Variants in BRD10 observed in about 807,000 individuals in gnomAD.
BRD10 encodes uncharacterized bromodomain-containing protein 10.
chr9:5,982,861 C>CACCT, the BRD10 span, among the ~76,000 whole-genome samples: 1 of 152,120 alleles, frequency 6.6e-6, no homozygotes, highest in East Asian at 1.9e-4. Context: ...GAGGATGAAG[C>CACCT]ACCTGGAAGT....
At chr9:5,929,023 A>C in the BRD10 span, 1 of 1,282,716 alleles carries the variant, frequency 7.8e-7, no homozygotes, top group Admixed American at 1.9e-5. Context: ...TAAGTAAAAC[A>C]GATTATAACA....
the BRD10 span, chr9:5,919,982 GAA>G: frequency 1.9e-6 from 3 of 1,613,860 alleles, no homozygotes; most frequent in Non-Finnish European, 1.7e-6. Flanking sequence ...CTTAATTACT[GAA>G]GTCAGTGATA....
chr9:5,897,419 G>A, the BRD10 span: 8 of 739,836 alleles, frequency 1.1e-5, no homozygotes, highest in African/African-American at 8.6e-5. Flanking sequence ...AGTGTGGGAG[G>A]TGGGAAACTA....
At chr9:5,930,210 G>A in the BRD10 span, among the ~76,000 whole-genome samples, 2 of 150,790 alleles carry the variant, frequency 1.3e-5, no homozygotes, top group East Asian at 1.9e-4. Context: ...AATTATATAC[G>A]TTATGGGTCA....
At chr9:5,943,017 ACAGG>A in the BRD10 span, among the ~76,000 whole-genome samples, 1 of 152,140 alleles carries the variant, frequency 6.6e-6, no homozygotes, top group Non-Finnish European at 1.5e-5. Context: ...AGCTGGGACT[ACAGG>A]CATGCACCAC....
chr9:5,928,088 TTAA>T, the BRD10 span, among the ~76,000 whole-genome samples: 1 of 152,210 alleles, frequency 6.6e-6, no homozygotes, highest in African/African-American at 2.4e-5. Context: ...CCTATCTCAG[TTAA>T]TGGCAATTCC....
the BRD10 span, among the ~76,000 whole-genome samples, chr9:5,982,434 G>A: frequency 2.0e-5 from 3 of 152,156 alleles, no homozygotes; most frequent in East Asian, 1.9e-4. Flanking sequence ...ATTGAGAGGT[G>A]GGGCCTTCAA....
At chr9:5,903,448 G>A in the BRD10 span, among the ~76,000 whole-genome samples, 2 of 152,164 alleles carry the variant, frequency 1.3e-5, no homozygotes, top group African/African-American at 2.4e-5. Context: ...CTATATTTAT[G>A]AGAGATAACG....
chr9:5,898,068 T>C, the BRD10 span: 1 of 170,188 alleles, frequency 5.9e-6, no homozygotes, highest in Non-Finnish European at 1.3e-5. Flanking sequence ...ATTTTTTTTT[T>C]TTCTTGAAAC....
chr9:5,956,052 T>C, the BRD10 span, among the ~76,000 whole-genome samples: 17 of 152,154 alleles, frequency 1.1e-4, no homozygotes, highest in Non-Finnish European at 1.5e-5. Context: ...GGGAAGGTTT[T>C]ATAAAAACAG....
At chr9:5,985,095 GACTC>G in the BRD10 span, among the ~76,000 whole-genome samples, 1 of 152,110 alleles carries the variant, frequency 6.6e-6, no homozygotes, top group Non-Finnish European at 1.5e-5. Flanking sequence ...AGTTCAGAAA[GACTC>G]ACAAATAATA....
the BRD10 span, among the ~76,000 whole-genome samples, chr9:5,949,055 T>G: frequency 1.3e-5 from 2 of 152,126 alleles, no homozygotes; most frequent in African/African-American, 4.8e-5. Flanking sequence ...CTATATATAT[T>G]TTTAAGGGAG....
chr9:5,920,080 A>G, the BRD10 span: 1 of 1,613,968 alleles, frequency 6.2e-7, no homozygotes, highest in Admixed American at 1.7e-5. Context: ...TAGAACTTGC[A>G]TTCCCAAAAG....
the BRD10 span, among the ~76,000 whole-genome samples, chr9:5,948,478 G>T: frequency 2.6e-5 from 4 of 152,000 alleles, no homozygotes; most frequent in African/African-American, 9.6e-5. Flanking sequence ...GTATGTGGTG[G>T]GAGTGGGGAG....
At chr9:5,895,181 T>G in the BRD10 span, among the ~76,000 whole-genome samples, 2 of 152,188 alleles carry the variant, frequency 1.3e-5, no homozygotes, top group African/African-American at 2.4e-5. Context: ...AATGAAACAC[T>G]TAACTTCAGT....
the BRD10 span, chr9:5,944,895 A>G: frequency 1.3e-6 from 2 of 1,540,000 alleles, no homozygotes; most frequent in Non-Finnish European, 1.8e-6. Context: ...TGTTTTCCAG[A>G]TCTTTGAGTT....
At chr9:5,981,646 AT>A in the BRD10 span, among the ~76,000 whole-genome samples, 250 of 151,900 alleles carry the variant, frequency 1.6e-3, 2 homozygotes, top group Middle Eastern at 0.024. Context: ...CTATCTATCT[AT>A]TTTAATCTAT....
chr9:6,000,158 T>C, the BRD10 span, among the ~76,000 whole-genome samples: 1 of 152,154 alleles, frequency 6.6e-6, no homozygotes, highest in East Asian at 1.9e-4. Context: ...TTGGTTTTCC[T>C]GAATCTTTTT....
chr9:5,938,347 T>G, the BRD10 span, among the ~76,000 whole-genome samples: 2 of 151,990 alleles, frequency 1.3e-5, no homozygotes, highest in Admixed American at 1.3e-4. Context: ...AAGGCTGAGG[T>G]GGGAGAATCA....
Sources: allele counts gnomAD v4.1 joint callset (sites outside exome capture counted in the v4.1 genomes callset), GRCh38; gene constraint gnomAD v4.1.1; transcripts MANE v1.5; gene names NCBI Gene and HGNC (gene_info 2026-07-23, HGNC 2026-07-21).